The following TRAPPC11 variants were observed in gnomAD, a reference collection of about 807,000 sequenced individuals.
TRAPPC11 encodes the protein foie gras homolog.
Under a neutral mutation model 151.2 loss-of-function variants are expected in TRAPPC11, and 104 were observed. That is an observed-to-expected ratio of 0.69 (90% confidence interval 0.59 to 0.81). TRAPPC11 has a LOEUF of 0.81. TRAPPC11 is among the 30% of genes least tolerant of loss of function. The probability of loss-of-function intolerance (pLI) is 0.00; values close to 1 mark genes in which losing one functional copy is unlikely to be tolerated. For missense variants in TRAPPC11, 1,230 were observed against 1,349.6 expected, an observed-to-expected ratio of 0.91 and a Z score of 1.39; for synonymous variants, 456 against 472.3, an observed-to-expected ratio of 0.97 and a Z score of 0.45.
At chr4:183,664,196 G>A in intron 2 of TRAPPC11, 125 bp downstream of exon 2, 1 of 776,218 alleles carries the variant, frequency 1.3e-6, no homozygotes, top group Non-Finnish European at 2.1e-6. Flanking sequence ...CATAAAGAAA[G>A]CCTTAGGCAT....
At position 183,693,050 on chromosome 4, in the gene TRAPPC11, C is replaced by T; in HGVS notation, c.2140C>T (p.Gln714Ter). 6.2e-7 allele frequency: 1 copy of T among 1,613,740 alleles called. No individual in the cohort carries two copies. The highest frequency in any genetic ancestry group is 1.3e-5 in the African/African-American group (1 of 75,004). The change falls in exon 20 of 30, where the codon CAA (glutamine) becomes TAA (stop). Residue 714 changes from glutamine (Q) to a stop codon, truncating the protein, a stop_gained. Transcript: ENST00000334690. LOFTEE classifies it high-confidence loss of function. ...QGGGGDAASS[Q>*]EALQAARSFK... ...AGGAGGAGGAGATGCTGCTTCCTCC[C>T]AAGAAGCCTTACAGGCAGCTCGGTC...
chr4:183,677,721 G>C (rs1579178888), intron 8 of TRAPPC11, among the ~76,000 whole-genome samples, 167 bp downstream of exon 8: 1 of 152,090 alleles, frequency 6.6e-6, no homozygotes, highest in East Asian at 1.9e-4. Flanking sequence ...TTCTTAGCAG[G>C]CTATTTATAG....
rs371763250 is a variant in TRAPPC11 at position 183,697,816 on chromosome 4, C to T, written c.2832C>T (p.Leu944=). ...CATCCATGACCACAGTGGACCAGCT[C>T]GAGTCTCAAGTGGACAATGGTGAGT... is the stretch of plus-strand genomic sequence containing the variant. ...LAPSMTTVDQ[L]ESQVDNVILQ... Residue 944 remains leucine (L), a synonymous_variant, in exon 25 of 30, where the codon CTC becomes CTT. Transcript: ENST00000334690. 2.7e-5 allele frequency: 43 copies of T among 1,613,588 alleles called. No individual in the cohort carries two copies. The highest frequency in any genetic ancestry group is 3.4e-5 in the Non-Finnish European group (40 of 1,179,994).
At position 183,661,361 on chromosome 4, in the gene TRAPPC11, CTTTTT is replaced by C. The variant is rs139201416; in HGVS notation, c.-22+1935_-22+1939del. 1.1e-4 allele frequency among the ~76,000 whole-genome samples: 9 copies of C among 79,436 alleles called. No homozygotes were observed. In the East Asian group the frequency reaches 3.7e-3, roughly 33 times the overall value. 52.1% of individuals were successfully genotyped at this position (79,436 alleles called of 152,430 possible). A position where few individuals can be genotyped will look rare whatever the true frequency, so the allele number is the denominator to read the frequency against. ...ATACTGGTATACTGGTGTAGATTACCTTTTTTTTTTTTTTTTTTTTTTTTTGAGAC... is the reference window on the plus strand; with the variant it reads ...ATACTGGTATACTGGTGTAGATTACCTTTTTTTTTTTTTTTTTTTTGAGAC... On this transcript the variant is annotated intron_variant, in intron 1 of 29. Transcript: ENST00000334690.
intron 1 of TRAPPC11, among the ~76,000 whole-genome samples, chr4:183,663,120 G>A (rs373982611): frequency 6.6e-6 from 1 of 152,038 alleles, no homozygotes; most frequent in African/African-American, 2.4e-5. Context: ...AGATTGGAGT[G>A]GAGTGCCGTG....
chr4:183,675,208 G>T lies in TRAPPC11; in HGVS notation c.705G>T (p.Glu235Asp). ...AGTTCAAAATAGCTTTCTTCAGTGA[G>T]TTGAAACAAGATACACAAAATGCGC... ...RHQFKIAFFS[E>D]LKQDTQNALK... The change falls in exon 7 of 30, where the codon GAG becomes GAT. Residue 235 changes from glutamate to aspartate, a missense_variant. Transcript: ENST00000334690. 1 of 1,543,162 alleles carries T rather than the reference G, an allele frequency of 6.5e-7. No homozygotes were observed. Among genetic ancestry groups the T allele is most frequent in the Non-Finnish European group, 8.7e-7 (1 of 1,144,454 alleles).
intron 2 of TRAPPC11, among the ~76,000 whole-genome samples, chr4:183,664,733 GTGATT>G (rs750831427): frequency 2.6e-5 from 4 of 152,232 alleles, no homozygotes; most frequent in Non-Finnish European, 5.9e-5. Flanking sequence ...TTTATGTGTA[GTGATT>G]TGTTATTTAT....
chr4:183,664,203 G>A, intron 2 of TRAPPC11, 132 bp downstream of exon 2: 1 of 705,316 alleles, frequency 1.4e-6, no homozygotes, highest in South Asian at 1.8e-5. Context: ...AAAGCCTTAG[G>A]CATTTTCATG....
chr4:183,680,781 C>G (rs1415495688), intron 10 of TRAPPC11, among the ~76,000 whole-genome samples: 1 of 143,328 alleles, frequency 7.0e-6, no homozygotes, highest in South Asian at 2.3e-4. Flanking sequence ...ATCTCTTCAT[C>G]TCTTGGGTTC....
chr4:183,692,885 T>C, intron 19 of TRAPPC11, 75 bp from the exon 20 acceptor site: 2 of 1,365,702 alleles, frequency 1.5e-6, no homozygotes, highest in Non-Finnish European at 2.0e-6. Context: ...CAGTCGACGA[T>C]GTAATTTTGG....
At chr4:183,687,147 C>T (rs1579195151) in intron 18 of TRAPPC11, among the ~76,000 whole-genome samples, 2 of 152,134 alleles carry the variant, frequency 1.3e-5, no homozygotes, top group African/African-American at 4.8e-5. Flanking sequence ...TGCCACTGCA[C>T]TCCAGCCTGG....
At chr4:183,704,762 G>A (rs371368120) in intron 26 of TRAPPC11, among the ~76,000 whole-genome samples, 4 of 152,028 alleles carry the variant, frequency 2.6e-5, no homozygotes, top group East Asian at 3.9e-4. Context: ...GCAGTGAGCC[G>A]AGATCGCGCC....
In TRAPPC11 at chr4:183,694,635, C is replaced by T. The variant is rs578119880; in HGVS notation, c.2540C>T (p.Thr847Ile). 7.4e-6 allele frequency: 12 copies of T among 1,612,978 alleles called. No individual in the cohort carries two copies. In the South Asian group the frequency reaches 7.7e-5, roughly 10 times the overall value. The change falls in exon 23 of 30, where the codon ACA becomes ATA. Residue 847 changes from threonine to isoleucine, a missense_variant. Thr to Ile is a moderately conservative substitution (Grantham distance 89). Coordinates refer to ENST00000334690, the MANE Select transcript of TRAPPC11 (RefSeq NM_021942.6). ...LEKMLYVRCG[T>I]VGSRMFLVYV... ...AAAATGTTGTATGTTCGCTGTGGAACAGTGGGTTCCAGAATGTTTCTTGTA... is the reference window on the plus strand; with the variant it reads ...AAAATGTTGTATGTTCGCTGTGGAATAGTGGGTTCCAGAATGTTTCTTGTA...
chr4:183,694,057 G>T lies in TRAPPC11; in HGVS notation c.2508+19G>T. 1.9e-6 allele frequency: 3 copies of T among 1,609,674 alleles called. No individual in the cohort carries two copies. The highest frequency in any genetic ancestry group is 2.5e-6 in the Non-Finnish European group (3 of 1,176,856). On this transcript the variant is annotated intron_variant, in intron 22 of 29. Transcript: ENST00000334690. ...GGAACAGGTAAACTTGGTCAACTGG[G>T]ATTGAAGAGGAAATCAATTAGTTTG...
chr4:183,685,392 T>G lies in TRAPPC11; in HGVS notation c.1751T>G (p.Phe584Cys). The stretch of plus-strand genomic sequence containing the variant: ...ATTTTCACAATAGGAGTACAGGACT[T>G]TGTGCCATTTGGTAGGTAGCTAACA... The part of the protein sequence containing the change: ...SNIFTIGVQD[F>C]VPFVQCKAKF... Residue 584 changes from phenylalanine (F) to cysteine (C), a missense_variant, in exon 17 of 30, where the codon TTT becomes TGT. Coordinates refer to ENST00000334690, the MANE Select transcript of TRAPPC11 (RefSeq NM_021942.6). 6.2e-7 allele frequency: 1 copy of G among 1,613,206 alleles called. No homozygotes were observed. Among genetic ancestry groups the G allele is most frequent in the African/African-American group, 1.3e-5 (1 of 75,042 alleles).
intron 21 of TRAPPC11, 45 bp from the exon 22 acceptor site, chr4:183,693,872 A>G (rs762417937): frequency 2.6e-5 from 42 of 1,604,672 alleles, no homozygotes; most frequent in African/African-American, 9.4e-5. Flanking sequence ...TATTGGGATA[A>G]TGTTTGAATT....
chr4:183,705,998 T>C (rs1737033667), intron 27 of TRAPPC11: 1 of 152,056 alleles, frequency 6.6e-6, no homozygotes. Flanking sequence ...TATGCAAGGA[T>C]GACACCCAAA....
chr4:183,671,202 A>G (rs78512966), intron 5 of TRAPPC11, among the ~76,000 whole-genome samples: 3,030 of 152,310 alleles, frequency 0.02, 63 homozygotes, highest in East Asian at 0.079. Flanking sequence ...AAATTATTTG[A>G]AGCAAAGAAT....
At chr4:183,661,900 T>A (rs1017049917) in intron 1 of TRAPPC11, among the ~76,000 whole-genome samples, 6 of 151,710 alleles carry the variant, frequency 4.0e-5, no homozygotes, top group African/African-American at 1.5e-4. Flanking sequence ...TGGCTGGGAC[T>A]ACAAGTGAGC....
Sources: allele counts gnomAD v4.1 joint callset (sites outside exome capture counted in the v4.1 genomes callset), GRCh38; gene constraint gnomAD v4.1.1; transcripts MANE v1.5; gene names NCBI Gene and HGNC (gene_info 2026-07-23, HGNC 2026-07-21).